The following FHOD3 variants were observed in gnomAD, a reference collection of about 807,000 sequenced individuals.
The protein encoded by FHOD3 is FH1/FH2 domain-containing protein 3.
FHOD3 carries 90 observed loss-of-function variants against 173.0 expected under a neutral mutation model. The observed-to-expected ratio is 0.52, with a 90% CI of 0.44 to 0.62. The LOEUF (loss-of-function observed/expected upper bound fraction) is 0.62. Ranked by LOEUF, FHOD3 falls within the 20% of genes least tolerant of loss-of-function variation. The pLI is 0.00. For synonymous variants in FHOD3, 828 were observed against 823.0 expected, an observed-to-expected ratio of 1.01 and a Z score of -0.10; for missense variants, 1,945 against 2,034.7, an observed-to-expected ratio of 0.96 and a Z score of 0.85.
intron 5 of FHOD3, among the ~76,000 whole-genome samples, chr18:36,564,830 C>T: frequency 6.6e-6 from 1 of 151,896 alleles, no homozygotes; most frequent in Middle Eastern, 3.4e-3. Context: ...TTTGGGGGAC[C>T]TTTTTTAGAA....
intron 9 of FHOD3, among the ~76,000 whole-genome samples, chr18:36,624,521 G>T (rs1327360005): frequency 1.3e-5 from 2 of 152,148 alleles, no homozygotes; most frequent in South Asian, 2.1e-4. Context: ...GCAGAGCTGG[G>T]TGCTAGAAGA....
At chr18:36,385,030 T>C (rs1413670522) in intron 3 of FHOD3, among the ~76,000 whole-genome samples, 2 of 152,232 alleles carry the variant, frequency 1.3e-5, no homozygotes, top group Non-Finnish European at 2.9e-5. Flanking sequence ...GATCTATTTG[T>C]AGAGTCAGAG....
chr18:36,516,878 A>C (rs16967918), intron 5 of FHOD3, among the ~76,000 whole-genome samples: 1,546 of 152,306 alleles, frequency 0.01, 20 homozygotes, highest in African/African-American at 0.035. Flanking sequence ...GCTACATGGG[A>C]GTCCTACAGC....
Position 36,718,370 on chromosome 18 carries a change from A to G in FHOD3, c.3072A>G (p.Pro1024=). Residue 1024 remains proline (P), a synonymous_variant, in exon 19 of 29, where the codon CCA becomes CCG. Coordinates refer to ENST00000590592, the MANE Select transcript of FHOD3 (RefSeq NM_001281740.3). ...GGGAGGCCCCTGGGCCACCTCCCCC[A>G]CCCCCACCCACCTTTCTGGGTTTGC... is the stretch of plus-strand genomic sequence containing the variant. ...GHREAPGPPP[P]PPPTFLGLPP... 2.1e-6 allele frequency: 1 copy of G among 485,464 alleles called. No homozygotes were observed. The highest frequency in any genetic ancestry group is 3.0e-6 in the Non-Finnish European group (1 of 331,140). 30.1% of individuals were successfully genotyped at this position (485,464 alleles called of 1,614,324 possible).
chr18:36,727,281 A>G (rs2149874069), intron 19 of FHOD3, among the ~76,000 whole-genome samples: 1 of 152,266 alleles, frequency 6.6e-6, no homozygotes, highest in East Asian at 1.9e-4. Context: ...ATCCTTAGAC[A>G]TGGATATAGG....
chr18:36,718,867 C>T (rs1203550084), intron 19 of FHOD3, 152 bp downstream of exon 19: 1 of 1,331,460 alleles, frequency 7.5e-7, no homozygotes, highest in Non-Finnish European at 1.0e-6. Context: ...GTTCCTTCTG[C>T]CACATGCTAG....
intron 3 of FHOD3, among the ~76,000 whole-genome samples, chr18:36,396,234 A>G (rs1435945037): frequency 1.3e-5 from 2 of 152,194 alleles, no homozygotes; most frequent in East Asian, 1.9e-4. Context: ...CTGAGTCAGT[A>G]TCCTCAAATA....
At chr18:36,557,011 A>G (rs2057914830) in intron 5 of FHOD3, among the ~76,000 whole-genome samples, 1 of 151,974 alleles carries the variant, frequency 6.6e-6, no homozygotes, top group Non-Finnish European at 1.5e-5. Flanking sequence ...TCTTACTTGT[A>G]TTGTCTTCAG....
chr18:36,718,050 A>G lies in FHOD3; in HGVS notation c.2752A>G (p.Thr918Ala). The change falls in exon 19 of 29, where the codon ACC becomes GCC. Residue 918 changes from threonine (T) to alanine (A), a missense_variant. This residue lies in a region of FHOD3 where 1,099 missense variants were observed against 1,051.2 expected (regional missense o/e 1.05). Coordinates refer to ENST00000590592, the MANE Select transcript of FHOD3 (RefSeq NM_001281740.3). Reference protein sequence around the residue: ...RISTLQANSQTQDESVRRVDV... With the variant: ...RISTLQANSQAQDESVRRVDV... ...ATCCACCCTGCAGGCCAACTCTCAG[A>G]CCCAGGATGAGAGTGTCAGGAGGGT... 6.2e-7 allele frequency: 1 copy of G among 1,601,554 alleles called. No individual in the cohort carries two copies. The highest frequency in any genetic ancestry group is 8.5e-7 in the Non-Finnish European group (1 of 1,173,422).
chr18:36,466,500 G>A (rs959537067), intron 3 of FHOD3, among the ~76,000 whole-genome samples: 1 of 152,170 alleles, frequency 6.6e-6, no homozygotes, highest in Non-Finnish European at 1.5e-5. Flanking sequence ...ATAATACATG[G>A]AGGTTACACG....
At chr18:36,447,202 G>A (rs754319986) in intron 3 of FHOD3, among the ~76,000 whole-genome samples, 16 of 152,188 alleles carry the variant, frequency 1.1e-4, no homozygotes, top group Non-Finnish European at 2.2e-4. Context: ...CTGTATCTGT[G>A]ATTACTGTAA....
intron 1 of FHOD3, among the ~76,000 whole-genome samples, chr18:36,338,912 G>T (rs2045466318): frequency 6.6e-6 from 1 of 152,142 alleles, no homozygotes; most frequent in African/African-American, 2.4e-5. Context: ...ATGTGACAAA[G>T]TAGGAAGGAG....
intron 20 of FHOD3, among the ~76,000 whole-genome samples, chr18:36,737,640 C>A (rs955940862): frequency 3.3e-5 from 5 of 152,188 alleles, no homozygotes; most frequent in African/African-American, 4.8e-5. Flanking sequence ...ACACTGACTA[C>A]AGCCTGAATG....
intron 2 of FHOD3, among the ~76,000 whole-genome samples, chr18:36,367,236 C>T (rs947186340): frequency 1.3e-5 from 2 of 152,150 alleles, no homozygotes; most frequent in Non-Finnish European, 2.9e-5. Flanking sequence ...GTCCCTGGTG[C>T]GTGTGCCTCC....
chr18:36,434,627 G>C (rs1220187246), intron 3 of FHOD3, among the ~76,000 whole-genome samples: 3 of 152,218 alleles, frequency 2.0e-5, no homozygotes, highest in Admixed American at 6.5e-5. Flanking sequence ...TGCAGTGAAA[G>C]TGAATCTGTA....
intron 17 of FHOD3, among the ~76,000 whole-genome samples, chr18:36,703,836 G>A (rs974482404): frequency 9.9e-5 from 15 of 152,146 alleles, no homozygotes; most frequent in African/African-American, 2.2e-4. Flanking sequence ...TCCATCTGAC[G>A]GGGCAGCCTT....
At position 36,653,344 on chromosome 18, in the gene FHOD3, CCT is replaced by C; in HGVS notation, c.1652_1653del (p.Ser551Ter). 6.5e-7 allele frequency: 1 copy of C among 1,534,174 alleles called. No homozygotes were observed. On this transcript the variant is annotated frameshift_variant, in exon 13 of 29. Coordinates refer to ENST00000590592, the MANE Select transcript of FHOD3 (RefSeq NM_001281740.3). LOFTEE classifies it high-confidence loss of function. ...GCGGGCTTTTCTTCCTTTGACAGTT[CCT>C]CTGATTCTTTCTCTTTGAGCACATA...
intron 14 of FHOD3, among the ~76,000 whole-genome samples, chr18:36,660,040 G>A (rs886859089): frequency 6.6e-6 from 1 of 152,294 alleles, no homozygotes; most frequent in Non-Finnish European, 1.5e-5. Flanking sequence ...GGAGGCCGAG[G>A]TGGGCAGATC....
At chr18:36,607,176 A>G (rs2032176314) in intron 8 of FHOD3, among the ~76,000 whole-genome samples, 1 of 152,092 alleles carries the variant, frequency 6.6e-6, no homozygotes, top group Non-Finnish European at 1.5e-5. Context: ...TCTTCCTGGG[A>G]CCCTAGGCTG....
Sources: allele counts gnomAD v4.1 joint callset (sites outside exome capture counted in the v4.1 genomes callset), GRCh38; gene constraint gnomAD v4.1.1; regional missense constraint gnomAD v4.1.1; transcripts MANE v1.5; gene names NCBI Gene and HGNC (gene_info 2026-07-23, HGNC 2026-07-21).